The following IFT80 variants were observed in gnomAD, a reference collection of about 807,000 sequenced individuals.
IFT80 encodes the protein intraflagellar transport protein 80 homolog.
A neutral mutation model predicts 107.9 loss-of-function variants in IFT80; 79 were observed. The ratio of observed to expected loss-of-function variants is 0.73; its 90% CI spans 0.61 to 0.88. The LOEUF is 0.88. Among genes scored for constraint, IFT80 ranks in the 40% least tolerant of loss-of-function variants. IFT80 has a pLI of 0.00. For synonymous variants in IFT80, 299 were observed against 300.9 expected (o/e 0.99, Z 0.07); for missense variants, 797 against 914.2 (o/e 0.87, Z 1.65).
intron 5 of IFT80, among the ~76,000 whole-genome samples, chr3:160,369,194 A>T (rs1008676903): frequency 6.6e-6 from 1 of 152,052 alleles, no homozygotes; most frequent in East Asian, 1.9e-4. Flanking sequence ...CTTATATAAT[A>T]AAAGAAAATA....
rs565453830 is a variant in IFT80, at chr3:160,357,312, G to C, written c.639+177C>G. Among the ~76,000 whole-genome samples, 18 of 152,180 alleles carry C rather than the reference G, an allele frequency of 1.2e-4. No individual in the cohort carries two copies. In the South Asian group the frequency reaches 3.5e-3, roughly 30 times the overall value. On this transcript the variant is annotated intron_variant, in intron 7 of 19. Transcript: ENST00000326448. ...GCCTCACTGTGTTGTCCAGGCTAAT[G>C]AGATAGTTTTTATGAAGTCCATGCT...
intron 9 of IFT80, among the ~76,000 whole-genome samples, chr3:160,317,430 C>T (rs770642190): frequency 3.9e-5 from 6 of 152,070 alleles, no homozygotes; most frequent in Non-Finnish European, 7.4e-5. Flanking sequence ...TCCTCCATCA[C>T]TAGGATAATT....
chr3:160,368,827 A>G (rs1280185056), intron 5 of IFT80, among the ~76,000 whole-genome samples: 1 of 151,986 alleles, frequency 6.6e-6, no homozygotes, highest in African/African-American at 2.4e-5. Context: ...TCAAATCTTC[A>G]TAAATACACT....
intron 8 of IFT80, among the ~76,000 whole-genome samples, chr3:160,335,125 T>C (rs1178503463): frequency 6.6e-6 from 1 of 151,842 alleles, no homozygotes; most frequent in Non-Finnish European, 1.5e-5. Flanking sequence ...CAGGATCTCC[T>C]TTAATTAGCC....
chr3:160,373,154 C>T (rs1411577550), intron 5 of IFT80, among the ~76,000 whole-genome samples: 2 of 152,118 alleles, frequency 1.3e-5, no homozygotes, highest in East Asian at 1.9e-4. Context: ...GTGATCCACC[C>T]ATCTTGGCCT....
Position 160,277,625 on chromosome 3 carries a change from G to C in IFT80, c.1882C>G (p.Arg628Gly). The change falls in exon 17 of 20, where the codon CGA (arginine) becomes GGA (glycine). Residue 628 changes from arginine to glycine, a missense_variant. Coordinates refer to ENST00000326448, the MANE Select transcript of IFT80 (RefSeq NM_020800.3). ...GCTATTTCTGCAGTAGTCATATCTC[G>C]ATTAGCAACTGCCATAGCAGCTAGA... ...ACLAAMAVANRDMTTAEIAYA... is the reference protein window; with the variant it reads ...ACLAAMAVANGDMTTAEIAYA... 6.2e-7 allele frequency: 1 copy of C among 1,613,524 alleles called. No individual in the cohort carries two copies. Among genetic ancestry groups the C allele is most frequent in the Non-Finnish European group, 8.5e-7 (1 of 1,179,734 alleles).
chr3:160,298,836 G>A (rs181654729), intron 12 of IFT80, among the ~76,000 whole-genome samples: 204 of 152,146 alleles, frequency 1.3e-3, no homozygotes, highest in Non-Finnish European at 2.0e-3. Flanking sequence ...ATGGACAACT[G>A]TAACACAATG....
At chr3:160,278,646 G>C (rs1346530229) in intron 16 of IFT80, among the ~76,000 whole-genome samples, 1 of 151,938 alleles carries the variant, frequency 6.6e-6, no homozygotes, top group Non-Finnish European at 1.5e-5. Context: ...ATTTACCCCA[G>C]ACAATGATGC....
intron 8 of IFT80, among the ~76,000 whole-genome samples, chr3:160,339,565 A>C (rs182509951): frequency 1.1e-3 from 163 of 152,264 alleles, no homozygotes; most frequent in Middle Eastern, 6.8e-3. Context: ...ATTTTTCTCT[A>C]ATTCTATACA....
chr3:160,306,545 T>A (rs562085551), intron 10 of IFT80, among the ~76,000 whole-genome samples: 2 of 152,166 alleles, frequency 1.3e-5, no homozygotes, highest in South Asian at 4.1e-4. Context: ...TTTTTGAATC[T>A]TCCCAAATTC....
intron 9 of IFT80, among the ~76,000 whole-genome samples, chr3:160,310,072 C>CA (rs2108280835): frequency 6.6e-6 from 1 of 152,152 alleles, no homozygotes; most frequent in Admixed American, 6.5e-5. Flanking sequence ...AAGTAATGAT[C>CA]AAATCAGTAG....
At position 160,377,431 on chromosome 3, in the gene IFT80, T is replaced by G. The variant is rs1337955900; in HGVS notation, c.369A>C (p.Thr123=). ...RWNYEGTALV[T]VGEDGQIKIW... ...ATGTCATTTTTACAGACAACTTACC[T>G]GTAACTAATGCTGTTCCTTCATAAT... Residue 123 remains threonine, a splice_region_variant and synonymous_variant, in exon 4 of 20, where the codon ACA becomes ACC. Coordinates refer to ENST00000326448, the MANE Select transcript of IFT80 (RefSeq NM_020800.3). 3.9e-6 allele frequency: 6 copies of G among 1,544,276 alleles called. No homozygotes were observed. In the South Asian group the frequency reaches 6.7e-5, roughly 17 times the overall value.
chr3:160,300,841 A>C, intron 12 of IFT80, 42 bp downstream of exon 12: 1 of 1,509,738 alleles, frequency 6.6e-7, no homozygotes, highest in South Asian at 1.2e-5. Flanking sequence ...TAGTGTTAAC[A>C]AATTTCATAT....
intron 3 of IFT80, among the ~76,000 whole-genome samples, chr3:160,381,239 A>AATATATAT (rs56915671): frequency 0.021 from 1,844 of 86,238 alleles, 118 homozygotes; most frequent in East Asian, 0.026. Flanking sequence ...CCCATCTCTA[A>AATATATAT]ATATATATAT....
At chr3:160,301,692 T>G (rs757839741) in intron 11 of IFT80, among the ~76,000 whole-genome samples, 4 of 151,998 alleles carry the variant, frequency 2.6e-5, no homozygotes, top group African/African-American at 7.2e-5. Context: ...CACAGGGCTC[T>G]CTGTAGTTAA....
intron 8 of IFT80, chr3:160,342,973 TG>T: frequency 6.4e-6 from 1 of 155,822 alleles, no homozygotes; most frequent in Non-Finnish European, 1.4e-5. Context: ...CTAAGGCCAC[TG>T]GACACAGAAT....
intron 8 of IFT80, among the ~76,000 whole-genome samples, chr3:160,320,679 A>G (rs578194324): frequency 1.3e-5 from 2 of 151,926 alleles, no homozygotes; most frequent in Non-Finnish European, 2.9e-5. Flanking sequence ...TTATATACAT[A>G]TTCTCTTTTC....
At chr3:160,262,655 G>A (rs1232240020) in intron 19 of IFT80, among the ~76,000 whole-genome samples, 2 of 152,092 alleles carry the variant, frequency 1.3e-5, no homozygotes, top group Non-Finnish European at 2.9e-5. Context: ...AGATTGCTCT[G>A]GAGTCGTCCC....
At chr3:160,266,135 C>T (rs1247907302) in intron 19 of IFT80, among the ~76,000 whole-genome samples, 2 of 150,562 alleles carry the variant, frequency 1.3e-5, no homozygotes, top group Non-Finnish European at 3.0e-5. Flanking sequence ...CATAGGGAGT[C>T]AAAGTAACCT....
Sources: allele counts gnomAD v4.1 joint callset (sites outside exome capture counted in the v4.1 genomes callset), GRCh38; gene constraint gnomAD v4.1.1; transcripts MANE v1.5; gene names NCBI Gene and HGNC (gene_info 2026-07-23, HGNC 2026-07-21).